UBR3: variants seen among roughly 807,000 people sequenced by gnomAD.
UBR3 encodes the protein E3 ubiquitin-protein ligase UBR3.
UBR3 carries 85 observed loss-of-function variants against 243.2 expected under a neutral mutation model. That is an observed-to-expected ratio of 0.35 (90% CI 0.29 to 0.42). UBR3 has a LOEUF of 0.42. UBR3 is among the 10% of genes least tolerant of loss of function. The pLI, the probability that UBR3 is intolerant of heterozygous loss-of-function variation, is 1.00. For missense variants in UBR3, 1,686 were observed against 2,300.8 expected, an observed-to-expected ratio of 0.73 and a Z score of 5.47; for synonymous variants, 748 against 799.8, an observed-to-expected ratio of 0.94 and a Z score of 1.09.
At chr2:169,836,067 ATTTTTTTT>A (rs60845808) in intron 1 of UBR3, among the ~76,000 whole-genome samples, 1,279 of 32,444 alleles carry the variant, frequency 0.039, 42 homozygotes, top group Non-Finnish European at 0.051. Context: ...ATATATATAT[ATTTTTTTT>A]TTTTTTTTTT....
At chr2:169,857,087 T>TTTTTTG (rs2082911034) in intron 1 of UBR3, among the ~76,000 whole-genome samples, 1 of 126,032 alleles carries the variant, frequency 7.9e-6, no homozygotes, top group Non-Finnish European at 1.6e-5. Context: ...TTTTTTTTTT[T>TTTTTTG]TTTTGAGACG....
chr2:169,956,299 G>GTTATAT (rs2087289221), intron 23 of UBR3, among the ~76,000 whole-genome samples: 4 of 49,238 alleles, frequency 8.1e-5, no homozygotes, highest in Admixed American at 7.3e-4. Context: ...TAACTAAAAT[G>GTTATAT]TTATATATAT....
chr2:169,969,857 T>C (rs1294270362), intron 24 of UBR3, among the ~76,000 whole-genome samples: 1 of 151,800 alleles, frequency 6.6e-6, no homozygotes, highest in Admixed American at 6.6e-5. Flanking sequence ...CCTGTGTCTG[T>C]TTTTTATGCC....
At chr2:169,841,689 G>A (rs953382511) in intron 1 of UBR3, among the ~76,000 whole-genome samples, 3 of 152,338 alleles carry the variant, frequency 2.0e-5, no homozygotes, top group South Asian at 2.1e-4. Flanking sequence ...CAGTGGCTGC[G>A]GAGGGTGTAC....
At chr2:169,973,243 CCACTGCT>C (rs1211658185) in intron 24 of UBR3, among the ~76,000 whole-genome samples, 6 of 130,790 alleles carry the variant, frequency 4.6e-5, no homozygotes, top group African/African-American at 1.7e-4. Context: ...GAACTACAAA[CCACTGCT>C]CAAGGAAATA....
intron 8 of UBR3, among the ~76,000 whole-genome samples, chr2:169,902,060 T>G (rs2084844920): frequency 6.6e-6 from 1 of 152,222 alleles, no homozygotes; most frequent in Non-Finnish European, 1.5e-5. Flanking sequence ...TGTGTGTGTG[T>G]GTATGTACAT....
intron 31 of UBR3, among the ~76,000 whole-genome samples, chr2:170,034,536 A>G (rs900246479): frequency 4.6e-5 from 7 of 151,886 alleles, no homozygotes; most frequent in African/African-American, 1.7e-4. Context: ...TAGAAATAAC[A>G]ATCCATTGTC....
At chr2:170,060,360 C>T (rs568609052) in intron 33 of UBR3, among the ~76,000 whole-genome samples, 1 of 152,056 alleles carries the variant, frequency 6.6e-6, no homozygotes, top group African/African-American at 2.4e-5. Flanking sequence ...ACACTAAGAT[C>T]AACTTGTAGA....
intron 1 of UBR3, among the ~76,000 whole-genome samples, chr2:169,855,967 G>A (rs1279010603): frequency 1.1e-4 from 16 of 151,542 alleles, no homozygotes; most frequent in African/African-American, 3.6e-4. Flanking sequence ...GCGGCTGGCC[G>A]GGCGGGGGCT....
At chr2:170,073,638 C>T (rs771734739) in intron 36 of UBR3, 31 bp downstream of exon 36, 14 of 1,595,484 alleles carry the variant, frequency 8.8e-6, no homozygotes, top group East Asian at 4.5e-5. Context: ...TAGCTTGTCA[C>T]GGTGGTGATA....
At chr2:169,884,387 C>T (rs983738023) in intron 5 of UBR3, among the ~76,000 whole-genome samples, 10 of 152,110 alleles carry the variant, frequency 6.6e-5, no homozygotes, top group Non-Finnish European at 1.2e-4. Flanking sequence ...CTCCTGACCT[C>T]GTAATCTGCC....
At chr2:170,027,200 A>T (rs2090551378) in intron 30 of UBR3, among the ~76,000 whole-genome samples, 2 of 151,674 alleles carry the variant, frequency 1.3e-5, no homozygotes, top group Non-Finnish European at 3.0e-5. Flanking sequence ...ATATTTGTAC[A>T]AACCATATAT....
intron 24 of UBR3, among the ~76,000 whole-genome samples, chr2:169,979,559 C>T (rs949768978): frequency 1.3e-5 from 2 of 152,062 alleles, no homozygotes; most frequent in African/African-American, 2.4e-5. Flanking sequence ...AATGAAATAC[C>T]GTCCAGCAAT....
chr2:170,068,918 G>A (rs1190565694), intron 35 of UBR3, among the ~76,000 whole-genome samples: 1 of 152,146 alleles, frequency 6.6e-6, no homozygotes, highest in Non-Finnish European at 1.5e-5. Context: ...AGAAGAAATA[G>A]AAAATCTGAA....
intron 30 of UBR3, among the ~76,000 whole-genome samples, chr2:170,023,918 G>T (rs1190892559): frequency 6.6e-6 from 1 of 151,378 alleles, no homozygotes; most frequent in Admixed American, 6.6e-5. Flanking sequence ...TCACCATGTT[G>T]GTCTCGATCT....
At chr2:169,950,822 G>A (rs867174199) in intron 23 of UBR3, among the ~76,000 whole-genome samples, 2 of 151,606 alleles carry the variant, frequency 1.3e-5, no homozygotes, top group African/African-American at 2.4e-5. Context: ...ACATGACAAG[G>A]TGAATCTTGA....
chr2:169,987,280 C>T (rs2089053305), intron 25 of UBR3, among the ~76,000 whole-genome samples: 1 of 150,990 alleles, frequency 6.6e-6, no homozygotes, highest in Admixed American at 6.6e-5. Flanking sequence ...GTAATCCCAG[C>T]TATTTGGGAG....
intron 23 of UBR3, among the ~76,000 whole-genome samples, chr2:169,956,681 A>C (rs1290930810): frequency 6.6e-6 from 1 of 152,184 alleles, no homozygotes; most frequent in Non-Finnish European, 1.5e-5. Flanking sequence ...GTAACTTCTC[A>C]TGGTAAAGTG....
Position 170,007,132 on chromosome 2 carries a change from G to A in UBR3, c.4172G>A (p.Ser1391Asn), listed in dbSNP as rs369935483. The change falls in exon 28 of 39, where the codon AGC becomes AAC. Residue 1391 changes from serine to asparagine, a missense_variant. Ser to Asn is a conservative substitution (Grantham distance 46). This residue lies in a region of UBR3 where 371 missense variants were observed against 422.5 expected (regional missense o/e 0.88). Coordinates refer to ENST00000272793, the MANE Select transcript of UBR3 (RefSeq NM_172070.4). ...NNPWQRPSNKSIQDLIKEVEE... is the reference protein window; with the variant it reads ...NNPWQRPSNKNIQDLIKEVEE... Reference sequence around the variant, plus strand: ...CCTTGGCAACGTCCTAGCAACAAAAGCATACAAGATCTCATAAAGGAAGTG... The same window carrying A: ...CCTTGGCAACGTCCTAGCAACAAAAACATACAAGATCTCATAAAGGAAGTG... 23 of 1,612,970 alleles carry A rather than the reference G, an allele frequency of 1.4e-5. No homozygotes were observed. Among genetic ancestry groups the A allele is most frequent in the Non-Finnish European group, 1.8e-5 (21 of 1,179,746 alleles).
Sources: gnomAD v4.1 joint callset for allele counts (sites outside exome capture counted in the v4.1 genomes callset) on GRCh38, gnomAD v4.1.1 for gene constraint, gnomAD v4.1.1 regional missense constraint, MANE v1.5 for transcripts, NCBI Gene and HGNC (gene_info 2026-07-23, HGNC 2026-07-21) for gene names.